C1RL: variants seen among roughly 807,000 people sequenced by gnomAD.
C1RL encodes the protein complement C1r subcomponent like.
Under a neutral mutation model 27.9 loss-of-function variants are expected in C1RL, and 27 were observed. The ratio of observed to expected loss-of-function variants is 0.97; its 90% CI spans 0.71 to 1.33. The LOEUF is 1.33. C1RL is among the 40% of genes most tolerant of loss of function. C1RL has a pLI of 0.00. For missense variants in C1RL, 563 were observed against 623.9 expected, an observed-to-expected ratio of 0.90 and a Z score of 1.04; for synonymous variants, 248 against 252.1, an observed-to-expected ratio of 0.98 and a Z score of 0.15.
chr12:7,108,994 G>GTGTGTGTGTGTGTGTGTGTGTGTTT, intron 1 of C1RL, 116 bp downstream of exon 1: 6 of 382,630 alleles, frequency 1.6e-5, no homozygotes, highest in Middle Eastern at 6.4e-4. Flanking sequence ...TGTGTGGGGG[G>GTGTGTGTGTGTGTGTGTGTGTGTTT]GGGGGGGATG....
At chr12:7,102,529 G>A (rs1938655926) in intron 2 of C1RL, among the ~76,000 whole-genome samples, 1 of 152,170 alleles carries the variant, frequency 6.6e-6, no homozygotes, top group Non-Finnish European at 1.5e-5. Flanking sequence ...CTCCCATCCA[G>A]CTTCTCCTCC....
Position 7,104,524 on chromosome 12 carries a change from C to G in C1RL, c.301-2437G>C, listed in dbSNP as rs1191921353. On this transcript the variant is annotated intron_variant, in intron 2 of 5. Coordinates refer to ENST00000266542, the MANE Select transcript of C1RL (RefSeq NM_016546.4). The surrounding 1 kb of genome is among the most constrained non-coding windows in gnomAD (Gnocchi z 5.4). ...GGTTTTCTCCAGGTCCTCTGGTTTC[C>G]TCCCACATCCCAAGCTGTGCCTGCT... Among the ~76,000 whole-genome samples, 1 of 152,214 alleles carries G rather than the reference C, an allele frequency of 6.6e-6. No homozygotes were observed. Among genetic ancestry groups the G allele is most frequent in the Non-Finnish European group, 1.5e-5 (1 of 68,036 alleles).
intron 3 of C1RL, among the ~76,000 whole-genome samples, chr12:7,100,433 A>G (rs1006008713): frequency 2.6e-5 from 4 of 152,222 alleles, no homozygotes; most frequent in African/African-American, 9.6e-5. Context: ...GCAGCAAAGT[A>G]TCTATCAGGA....
chr12:7,095,573 C>T lies in C1RL; in HGVS notation c.*818G>A, dbSNP rs747509303. Reference sequence around the variant, plus strand: ...GATGGGGCCATTAGGAAAGTGTGAGCTAGAGGATACCATTTTCGCAGAAGC... The same window carrying T: ...GATGGGGCCATTAGGAAAGTGTGAGTTAGAGGATACCATTTTCGCAGAAGC... On this transcript the variant is annotated 3_prime_UTR_variant, in exon 6 of 6. Coordinates refer to ENST00000266542, the MANE Select transcript of C1RL (RefSeq NM_016546.4). 19 of 985,916 alleles carry T rather than the reference C, an allele frequency of 1.9e-5. No individual in the cohort carries two copies. The African/African-American group carries it at 3.0e-4, about 15-fold the overall frequency. 61.1% of individuals were successfully genotyped at this position (985,916 alleles called of 1,614,324 possible).
intron 2 of C1RL, 143 bp downstream of exon 2, chr12:7,108,108 C>G: frequency 1.5e-6 from 1 of 651,498 alleles, no homozygotes; most frequent in Non-Finnish European, 2.5e-6. Context: ...CACCACTGCT[C>G]CCCGGTAAGC....
Position 7,108,401 on chromosome 12 carries a change from C to G in C1RL, c.150G>C (p.Gln50His), listed in dbSNP as rs200257444. Residue 50 changes from glutamine (Q) to histidine (H), a missense_variant, in exon 2 of 6, where the codon CAG becomes CAC. Gln to His is a conservative substitution (Grantham distance 24, BLOSUM62 0). Transcript: ENST00000266542. ...GSVLLAQELP[Q>H]QLTSPGYPEP... ...CTGGGTACCCGGGGGATGTCAGCTG[C>G]TGGGGTAGCTCTTGGGCCAAGAGGA... The G allele has an allele frequency of 3.6e-4, 584 of 1,613,944 alleles. 1 individual carries two copies. The highest frequency in any genetic ancestry group is 4.4e-4 in the Non-Finnish European group (519 of 1,179,968).
At chr12:7,101,192 TTC>T (rs1373447769) in intron 3 of C1RL, among the ~76,000 whole-genome samples, 1 of 134,206 alleles carries the variant, frequency 7.5e-6, no homozygotes, top group African/African-American at 2.8e-5. Context: ...CCTCCCTCCC[TTC>T]TTTCTTTCCC....
At chr12:7,108,561 G>A in intron 1 of C1RL, 82 bp from the exon 2 acceptor site, 2 of 1,185,254 alleles carry the variant, frequency 1.7e-6, no homozygotes, top group African/African-American at 1.5e-5. Flanking sequence ...GGGGAGCCGC[G>A]CTAGGACTCA....
In C1RL at chr12:7,101,934, G is replaced by A. The variant is rs1938637814; in HGVS notation, c.454C>T (p.Leu152Phe). The A allele has an allele frequency of 1.9e-6, 3 of 1,614,114 alleles. No individual in the cohort carries two copies. The highest frequency in any genetic ancestry group is 2.5e-6 in the Non-Finnish European group (3 of 1,180,036). Residue 152 changes from leucine to phenylalanine, a missense_variant, in exon 3 of 6, where the codon CTC (leucine) becomes TTC (phenylalanine). Leu to Phe is a conservative substitution (Grantham distance 22, BLOSUM62 0). Coordinates refer to ENST00000266542, the MANE Select transcript of C1RL (RefSeq NM_016546.4). ...TAGAGGGCCAGGAAGCCCTTGTGGA[G>A]GTGGGCAGTCTTGTTCTCCGAGGAA... ...QPSSENKTAH[L>F]HKGFLALYQT... is the part of the protein sequence containing the mutation.
chr12:7,105,232 C>T (rs920632112), intron 2 of C1RL, among the ~76,000 whole-genome samples: 2 of 152,060 alleles, frequency 1.3e-5, no homozygotes, highest in African/African-American at 4.8e-5. Flanking sequence ...TTTAGCTATC[C>T]ACACAGAACT....
At chr12:7,098,870 G>C (rs1331455112) in intron 5 of C1RL, among the ~76,000 whole-genome samples, 1 of 152,062 alleles carries the variant, frequency 6.6e-6, no homozygotes, top group African/African-American at 2.4e-5. Context: ...ACAACATTGT[G>C]AACACACTAA....
chr12:7,102,134 T>C, intron 2 of C1RL, 47 bp from the exon 3 acceptor site: 4 of 1,557,744 alleles, frequency 2.6e-6, no homozygotes, highest in South Asian at 2.3e-5. Flanking sequence ...GTGGGGTGAA[T>C]CCGCGCTGCT....
intron 2 of C1RL, among the ~76,000 whole-genome samples, chr12:7,105,547 G>A (rs1938742871): frequency 6.6e-6 from 1 of 152,194 alleles, no homozygotes; most frequent in African/African-American, 2.4e-5. Context: ...TGGGATTACA[G>A]ATGTGAGCCA....
chr12:7,103,126 C>G (rs1448993379), intron 2 of C1RL, among the ~76,000 whole-genome samples: 1 of 152,184 alleles, frequency 6.6e-6, no homozygotes, highest in African/African-American at 2.4e-5. Flanking sequence ...CAATACTGGT[C>G]TTTTGCTTAG....
In C1RL at chr12:7,097,043, G is replaced by A. The variant is rs746281381; in HGVS notation, c.812C>T (p.Ala271Val). 1.8e-5 allele frequency: 29 copies of A among 1,614,028 alleles called. No homozygotes were observed. Among genetic ancestry groups the A allele is most frequent in the Non-Finnish European group, 2.2e-5 (26 of 1,180,020 alleles). The part of the protein sequence containing the change: ...FTSIHGRGGG[A>V]LLGDRWILTA... ...GAGGATCCATCTGTCCCCCAGCAGG[G>A]CCCCGCCCCCACGGCCGTGGATACT... The change falls in exon 6 of 6, where the codon GCC (alanine) becomes GTC (valine). Residue 271 changes from alanine to valine, a missense_variant. Physicochemically the swap from Ala to Val is moderately conservative, Grantham distance 64. Coordinates refer to ENST00000266542, the MANE Select transcript of C1RL (RefSeq NM_016546.4).
rs1938487540 is a variant in C1RL, at chr12:7,097,547, GC to G, written c.692-385del. ...TCCACCCGCCTCTGCCTCCCAAAGT[GC>G]TGGGATTACAGGCGTGAGGCACCGC... On this transcript the variant is annotated intron_variant, in intron 5 of 5. Transcript: ENST00000266542. Among the ~76,000 whole-genome samples, 3 of 152,314 alleles carry G rather than the reference GC, an allele frequency of 2.0e-5. No individual in the cohort carries two copies. The South Asian group carries it at 6.2e-4, about 32-fold the overall frequency.
chr12:7,108,239 TC>T lies in C1RL; in HGVS notation c.300+11del. On this transcript the variant is annotated intron_variant, in intron 2 of 5. Coordinates refer to ENST00000266542, the MANE Select transcript of C1RL (RefSeq NM_016546.4). ...CACAGTCCTGGCGGGACCCCCCCCATCCCCAGCTCACTGTGACAGAGTCCCC... is the reference window on the plus strand; with the variant it reads ...CACAGTCCTGGCGGGACCCCCCCCATCCCAGCTCACTGTGACAGAGTCCCC... 6.3e-7 allele frequency: 1 copy of T among 1,575,774 alleles called. No individual in the cohort carries two copies. Among genetic ancestry groups the T allele is most frequent in the Non-Finnish European group, 8.7e-7 (1 of 1,153,592 alleles).
At chr12:7,107,110 G>A (rs187604481) in intron 2 of C1RL, among the ~76,000 whole-genome samples, 7 of 152,150 alleles carry the variant, frequency 4.6e-5, no homozygotes, top group Admixed American at 2.0e-4. Flanking sequence ...CTGAGGAGCA[G>A]CACTCAGGGG....
At chr12:7,099,797 C>A (rs374906353) in intron 4 of C1RL, 37 bp from the exon 5 acceptor site, 1 of 1,608,356 alleles carries the variant, frequency 6.2e-7, no homozygotes, top group Non-Finnish European at 8.5e-7. Flanking sequence ...GAAATAGGCT[C>A]GGAGTTGAAG....
Sources: allele counts gnomAD v4.1 joint callset (sites outside exome capture counted in the v4.1 genomes callset), GRCh38; gene constraint gnomAD v4.1.1; non-coding constraint Gnocchi (gnomAD v3.1); transcripts MANE v1.5; gene names NCBI Gene and HGNC (gene_info 2026-07-23, HGNC 2026-07-21).